PVT1: variants seen among roughly 807,000 people sequenced by gnomAD.
PVT1 encodes the protein Pvt1 oncogene.
At chr8:128,098,521 G>A (rs1352550574) in intron 6 of PVT1, among the ~76,000 whole-genome samples, 2 of 152,216 alleles carry the variant, frequency 1.3e-5, no homozygotes, top group African/African-American at 4.8e-5. Flanking sequence ...ATGGAGATTA[G>A]TACATGTAGA....
chr8:127,858,802 A>ATTTTTTT (rs1442302514), intron 2 of PVT1, among the ~76,000 whole-genome samples: 2 of 38,304 alleles, frequency 5.2e-5, no homozygotes, highest in African/African-American at 8.9e-5. Context: ...ACACTTGAAG[A>ATTTTTTT]TTCTTTTTTT....
At chr8:127,932,998 C>T (rs1178389297) in intron 3 of PVT1, among the ~76,000 whole-genome samples, 1 of 152,192 alleles carries the variant, frequency 6.6e-6, no homozygotes, top group Non-Finnish European at 1.5e-5. Context: ...TTCCTTCCAA[C>T]AACCTTGGAG....
At chr8:127,944,998 T>C (rs181763025) in intron 3 of PVT1, among the ~76,000 whole-genome samples, 158 of 152,254 alleles carry the variant, frequency 1.0e-3, no homozygotes, top group Non-Finnish European at 2.5e-4. Flanking sequence ...TTTTCATATG[T>C]GAATTCTACT....
At chr8:127,984,694 C>A (rs1227503045) in intron 3 of PVT1, among the ~76,000 whole-genome samples, 1 of 152,032 alleles carries the variant, frequency 6.6e-6, no homozygotes, top group African/African-American at 2.4e-5. Flanking sequence ...GCAACCTCTG[C>A]CTCCCAGGTT....
chr8:128,067,252 T>C (rs1317023027), intron 4 of PVT1, among the ~76,000 whole-genome samples: 1 of 152,176 alleles, frequency 6.6e-6, no homozygotes, highest in Non-Finnish European at 1.5e-5. Flanking sequence ...CACTGCAACG[T>C]CTTGGTGATA....
Position 128,099,696 on chromosome 8 carries a change from C to G in PVT1, n.1251+3042C>G, listed in dbSNP as rs562268836. Reference sequence around the variant, plus strand: ...CCAGTAATCACCCCAGTCAAATATACCCAGCTCACATTTTGATGTAAAATC... The same window carrying G: ...CCAGTAATCACCCCAGTCAAATATAGCCAGCTCACATTTTGATGTAAAATC... On this transcript the variant is annotated intron_variant and non_coding_transcript_variant, in intron 6 of 10. Transcript: ENST00000651587. The G allele has an allele frequency of 9.2e-5, 14 of 152,218 alleles. No individual in the cohort carries two copies. In the East Asian group the frequency reaches 2.5e-3, roughly 27 times the overall value. The allele number at this position is 152,218 out of a possible 1,614,324, so 9.4% of individuals were successfully genotyped here.
At chr8:128,051,391 A>G (rs372730070) in intron 4 of PVT1, among the ~76,000 whole-genome samples, 1 of 152,170 alleles carries the variant, frequency 6.6e-6, no homozygotes, top group East Asian at 1.9e-4. Flanking sequence ...ACTTTTAAGA[A>G]TTTGGCTTTA....
intron 4 of PVT1, among the ~76,000 whole-genome samples, chr8:128,066,345 T>G (rs941173519): frequency 6.6e-6 from 1 of 152,216 alleles, no homozygotes; most frequent in African/African-American, 2.4e-5. Context: ...CTGCTGCTGA[T>G]CAGTGCTATG....
intron 4 of PVT1, among the ~76,000 whole-genome samples, chr8:128,012,762 T>C (rs1390238904): frequency 6.6e-6 from 1 of 152,174 alleles, no homozygotes; most frequent in East Asian, 1.9e-4. Flanking sequence ...CAAGTCACTC[T>C]AGGAGTTCCT....
In PVT1 at chr8:127,934,453, G is replaced by C. The variant is rs374930861; in HGVS notation, n.782+43455G>C. On this transcript the variant is annotated intron_variant and non_coding_transcript_variant, in intron 3 of 10. Coordinates refer to ENST00000651587, the Ensembl canonical transcript of PVT1. ...TCCCCAGGATGGTCTGGGCTCTCTCGGGATGGGAGGAAGTTGGTCTGAAAG... is the reference window on the plus strand; with the variant it reads ...TCCCCAGGATGGTCTGGGCTCTCTCCGGATGGGAGGAAGTTGGTCTGAAAG... Among the ~76,000 whole-genome samples, 16 of 152,306 alleles carry C rather than the reference G, an allele frequency of 1.1e-4. No individual in the cohort carries two copies. The East Asian group carries it at 1.5e-3, about 15-fold the overall frequency.
At chr8:127,882,513 C>T (rs769318869) in intron 2 of PVT1, among the ~76,000 whole-genome samples, 15 of 150,702 alleles carry the variant, frequency 1.0e-4, no homozygotes, top group Non-Finnish European at 1.9e-4. Context: ...GATGGAGTCT[C>T]GCTCCTGTTG....
rs1586398813 is a variant in PVT1 at position 127,833,554 on chromosome 8, A to G, written n.372+37483A>G. Among the ~76,000 whole-genome samples, 3 of 152,180 alleles carry G rather than the reference A, an allele frequency of 2.0e-5. No homozygotes were observed. The South Asian group carries it at 6.2e-4, about 32-fold the overall frequency. ...CTGCAACCTCAGCTTCCTGGGCTTA[A>G]GTAATCCTCCCACCTCAGCCACCCG... On this transcript the variant is annotated intron_variant and non_coding_transcript_variant, in intron 2 of 10. Coordinates refer to ENST00000651587, the Ensembl canonical transcript of PVT1.
At chr8:128,061,241 A>G (rs1180967567) in intron 4 of PVT1, among the ~76,000 whole-genome samples, 2 of 152,236 alleles carry the variant, frequency 1.3e-5, no homozygotes, top group Non-Finnish European at 2.9e-5. Flanking sequence ...TTTCACGTAA[A>G]TGGAACCACA....
At chr8:127,815,469 T>G (rs1186904518) in intron 2 of PVT1, among the ~76,000 whole-genome samples, 1 of 152,236 alleles carries the variant, frequency 6.6e-6, no homozygotes. Flanking sequence ...CTTGACCACA[T>G]GGCTTTGCTG....
chr8:127,841,466 G>T (rs745866503), intron 2 of PVT1, among the ~76,000 whole-genome samples: 1 of 152,058 alleles, frequency 6.6e-6, no homozygotes, highest in Non-Finnish European at 1.5e-5. Flanking sequence ...TAGAGAGGGG[G>T]TTTTGCCATG....
chr8:127,926,282 C>T (rs956712266), intron 3 of PVT1, among the ~76,000 whole-genome samples: 1 of 152,212 alleles, frequency 6.6e-6, no homozygotes, highest in African/African-American at 2.4e-5. Context: ...GCCTGAGCAT[C>T]GCACAGTCCC....
At chr8:127,965,894 A>G (rs1816698393) in intron 3 of PVT1, among the ~76,000 whole-genome samples, 1 of 152,076 alleles carries the variant, frequency 6.6e-6, no homozygotes, top group African/African-American at 2.4e-5. Flanking sequence ...GGTGAGGGGG[A>G]GAGGCAAGGA....
chr8:127,893,471 T>C (rs1214018552), intron 3 of PVT1, among the ~76,000 whole-genome samples: 1 of 152,190 alleles, frequency 6.6e-6, no homozygotes. Context: ...GGTCTTGAAC[T>C]CCTGACTTCA....
intron 3 of PVT1, among the ~76,000 whole-genome samples, chr8:127,973,103 A>G (rs1190285436): frequency 1.3e-5 from 2 of 152,046 alleles, no homozygotes; most frequent in East Asian, 1.9e-4. Flanking sequence ...GAGTTTTGCT[A>G]TGTTGCCCAG....
Sources: gnomAD v4.1 joint callset for allele counts (sites outside exome capture counted in the v4.1 genomes callset) on GRCh38, gnomAD v4.1.1 for gene constraint, MANE v1.5 for transcripts, NCBI Gene and HGNC (gene_info 2026-07-23, HGNC 2026-07-21) for gene names.